The following BRD9 variants were observed in gnomAD, a reference collection of about 807,000 sequenced individuals.
BRD9 encodes the protein bromodomain containing 9, also known as bromodomain-containing protein 9.
In BRD9, 47 loss-of-function variants were observed where a neutral mutation model predicts 68.7. The observed-to-expected ratio is 0.68, with a 90% CI of 0.54 to 0.87. The LOEUF is 0.87. BRD9 is among the 40% of genes least tolerant of loss of function. The pLI is 0.00. For missense variants in BRD9, 670 were observed against 748.4 expected (o/e 0.90, Z 1.22); for synonymous variants, 313 against 293.9 (o/e 1.06, Z -0.67).
In BRD9 at chr5:871,579, A is replaced by C; in HGVS notation, c.1384-15T>G. 1 of 1,613,192 alleles carries C rather than the reference A, an allele frequency of 6.2e-7. No individual in the cohort carries two copies. The highest frequency in any genetic ancestry group is 8.5e-7 in the Non-Finnish European group (1 of 1,179,086). The stretch of plus-strand genomic sequence containing the variant: ...ACATTTCTTCTCTGAAAAGTAAATG[A>C]GGACAGAAACTAGTTTTTCCAGAGT... On this transcript the variant is annotated splice_polypyrimidine_tract_variant and intron_variant, in intron 12 of 15. Coordinates refer to ENST00000467963, the MANE Select transcript of BRD9 (RefSeq NM_023924.5).
chr5:885,298 C>T (rs1229489595), intron 7 of BRD9, among the ~76,000 whole-genome samples: 2 of 152,212 alleles, frequency 1.3e-5, no homozygotes, highest in Non-Finnish European at 2.9e-5. Flanking sequence ...CACACTCTGG[C>T]CACGCAGCGC....
intron 14 of BRD9, among the ~76,000 whole-genome samples, chr5:869,867 A>G (rs1749886012): frequency 6.6e-6 from 1 of 152,210 alleles, no homozygotes; most frequent in African/African-American, 2.4e-5. Context: ...AAACATATCA[A>G]AACAAGCTGC....
intron 11 of BRD9, among the ~76,000 whole-genome samples, chr5:876,494 A>G (rs1056505198): frequency 6.6e-6 from 1 of 152,188 alleles, no homozygotes; most frequent in Non-Finnish European, 1.5e-5. Context: ...TCATCTGTAA[A>G]AGAATACTCC....
chr5:868,967 A>T, intron 14 of BRD9: 1 of 205,958 alleles, frequency 4.9e-6, no homozygotes, highest in Non-Finnish European at 9.8e-6. Context: ...GTGAGGGCAC[A>T]GTCTCCAGGA....
At position 891,703 on chromosome 5, in the gene BRD9, CTTT is replaced by C; in HGVS notation, c.201_203del (p.Lys73del). 6.4e-7 allele frequency: 1 copy of C among 1,551,592 alleles called. No homozygotes were observed. The highest frequency in any genetic ancestry group is 8.7e-7 in the Non-Finnish European group (1 of 1,146,980). ...CCTTCTCGGACTTCTTCTTCTTCTT[CTTT>C]TTCTTTTCTTTGTGCCTCTCTCGCT... On this transcript the variant is annotated inframe_deletion, in exon 2 of 16. Coordinates refer to ENST00000467963, the MANE Select transcript of BRD9 (RefSeq NM_023924.5).
intron 11 of BRD9, 92 bp downstream of exon 11, chr5:878,263 C>A: frequency 6.4e-7 from 1 of 1,555,400 alleles, no homozygotes; most frequent in East Asian, 2.3e-5. Flanking sequence ...ATGGCTCTCT[C>A]CCCACCCGCA....
chr5:886,660 G>C lies in BRD9; in HGVS notation c.765C>G (p.Val255=), dbSNP rs1752613334. The C allele has an allele frequency of 6.2e-7, 1 of 1,614,002 alleles. No homozygotes were observed. ...CTACTTGTACTGGTACAACTTCAGG[G>C]ACAGGTTCCTCAACAGCTGTATCTT... ...GNEDTAVEEP[V]PEVVPVQVET... is the part of the protein sequence containing the mutation. Residue 255 remains valine, a synonymous_variant, in exon 7 of 16, where the codon GTC becomes GTG. Transcript: ENST00000467963.
At chr5:887,753 G>C (rs1033221550) in intron 5 of BRD9, among the ~76,000 whole-genome samples, 2 of 152,160 alleles carry the variant, frequency 1.3e-5, no homozygotes, top group African/African-American at 4.8e-5. Context: ...CGTTTCCTGC[G>C]CTTCTTGCAT....
intron 8 of BRD9, chr5:881,583 C>G (rs1442639419): frequency 6.7e-6 from 2 of 299,708 alleles, no homozygotes; most frequent in African/African-American, 4.4e-5. Context: ...CACCCACACC[C>G]CAGTTCTGTG....
At chr5:884,619 T>C (rs975536620) in intron 7 of BRD9, among the ~76,000 whole-genome samples, 3 of 152,266 alleles carry the variant, frequency 2.0e-5, no homozygotes, top group African/African-American at 4.8e-5. Context: ...GCACAGGCTG[T>C]AGCACCCAAG....
Position 864,271 on chromosome 5 carries a change from G to A in BRD9, c.*197C>T, listed in dbSNP as rs1265652921. 11 of 474,306 alleles carry A rather than the reference G, an allele frequency of 2.3e-5. No homozygotes were observed. Among genetic ancestry groups the A allele is most frequent in the East Asian group, 1.1e-4 (3 of 27,372 alleles). 29.4% of individuals were successfully genotyped at this position (474,306 alleles called of 1,614,324 possible). A position where few individuals can be genotyped will look rare whatever the true frequency, so the allele number is the denominator to read the frequency against. On this transcript the variant is annotated 3_prime_UTR_variant, in exon 16 of 16. Transcript: ENST00000467963. ...GACACGATGGCCATATGGCCTTCGCGTATGACTCCACTCCTCAGGGTTCGT... is the reference window on the plus strand; with the variant it reads ...GACACGATGGCCATATGGCCTTCGCATATGACTCCACTCCTCAGGGTTCGT...
At chr5:881,273 G>T in intron 8 of BRD9, 91 bp from the exon 9 acceptor site, 24 of 1,228,148 alleles carry the variant, frequency 2.0e-5, no homozygotes, top group Non-Finnish European at 2.7e-5. Context: ...CTTAATGGGG[G>T]TGAAAGCACA....
At chr5:869,322 G>A (rs1487044457) in intron 14 of BRD9, 1 of 456,228 alleles carries the variant, frequency 2.2e-6, no homozygotes, top group Non-Finnish European at 4.4e-6. Context: ...GGTTGACAAA[G>A]CAGACTCCGT....
intron 8 of BRD9, chr5:883,232 T>G: frequency 2.3e-6 from 1 of 434,754 alleles, no homozygotes; most frequent in Non-Finnish European, 4.6e-6. Flanking sequence ...CCATGTGCAT[T>G]TTGAAGACTT....
intron 14 of BRD9, 107 bp downstream of exon 14, chr5:870,366 C>T (rs1749961097): frequency 1.2e-6 from 1 of 839,196 alleles, no homozygotes; most frequent in East Asian, 2.6e-5. Flanking sequence ...AAAGATTTTC[C>T]TGGCATCCCT....
At chr5:872,345 A>G (rs1269488762) in intron 12 of BRD9, among the ~76,000 whole-genome samples, 3 of 152,144 alleles carry the variant, frequency 2.0e-5, no homozygotes, top group African/African-American at 7.2e-5. Context: ...CCTGAGCATC[A>G]TTTACTGCGG....
intron 9 of BRD9, among the ~76,000 whole-genome samples, chr5:880,739 G>A (rs1023127954): frequency 9.9e-5 from 15 of 152,238 alleles, no homozygotes; most frequent in Non-Finnish European, 2.2e-4. Flanking sequence ...CTGCTTTCCA[G>A]ATTCAAGGAG....
intron 12 of BRD9, among the ~76,000 whole-genome samples, chr5:875,837 C>T (rs986044009): frequency 3.9e-5 from 6 of 152,204 alleles, no homozygotes; most frequent in Admixed American, 6.5e-5. Context: ...TTTTTAAACT[C>T]TTCAGGATGA....
Position 886,607 on chromosome 5 carries a change from C to G in BRD9, c.818G>C (p.Ser273Thr), listed in dbSNP as rs750298208. 4.3e-6 allele frequency: 7 copies of G among 1,613,838 alleles called. No homozygotes were observed. Among genetic ancestry groups the G allele is most frequent in the Non-Finnish European group, 5.9e-6 (7 of 1,179,924 alleles). The change falls in exon 7 of 16, where the codon AGT becomes ACT. Residue 273 changes from serine (S) to threonine (T), a missense_variant. Physicochemically the swap from Ser to Thr is moderately conservative, Grantham distance 58 (BLOSUM62 1). This residue lies in a region of BRD9 where 135 missense variants were observed against 141.2 expected (regional missense o/e 0.96). Coordinates refer to ENST00000467963, the MANE Select transcript of BRD9 (RefSeq NM_023924.5). Reference protein sequence around the residue: ...VETAKKSKKPSREVISCMFEP... With the variant: ...VETAKKSKKPTREVISCMFEP... ...GAACCTTTACCTGATAACTTCTCTACTCGGCTTTTTGGATTTCTTGGCAGT... is the reference window on the plus strand; with the variant it reads ...GAACCTTTACCTGATAACTTCTCTAGTCGGCTTTTTGGATTTCTTGGCAGT...
Sources: allele counts gnomAD v4.1 joint callset (sites outside exome capture counted in the v4.1 genomes callset), GRCh38; gene constraint gnomAD v4.1.1; regional missense constraint gnomAD v4.1.1; transcripts MANE v1.5; gene names NCBI Gene and HGNC (gene_info 2026-07-23, HGNC 2026-07-21).